DPP10: variants seen among roughly 807,000 people sequenced by gnomAD.
DPP10 encodes the protein inactive dipeptidyl peptidase 10.
DPP10 carries 33 observed loss-of-function variants against 120.9 expected under a neutral mutation model. The ratio of observed to expected loss-of-function variants is 0.27; its 90% CI spans 0.21 to 0.37. DPP10 has a LOEUF of 0.37. Ranked by LOEUF, DPP10 falls within the 10% of genes least tolerant of loss-of-function variation. The probability of loss-of-function intolerance (pLI) is 1.00; values close to 1 mark genes in which losing one functional copy is unlikely to be tolerated. For synonymous variants in DPP10, 337 were observed against 326.1 expected, an observed-to-expected ratio of 1.03 and a Z score of -0.36; for missense variants, 816 against 942.8, an observed-to-expected ratio of 0.87 and a Z score of 1.76.
intron 4 of DPP10, among the ~76,000 whole-genome samples, chr2:115,506,171 C>T (rs1171358955): frequency 3.9e-5 from 6 of 152,032 alleles, no homozygotes; most frequent in Non-Finnish European, 8.8e-5. Context: ...TAGAACTATG[C>T]GTTGCCAAAA....
chr2:115,268,753 C>A (rs2059564701), intron 1 of DPP10, among the ~76,000 whole-genome samples: 1 of 152,194 alleles, frequency 6.6e-6, no homozygotes, highest in Non-Finnish European at 1.5e-5. Flanking sequence ...TTTCCATCTT[C>A]TGGTAACTTC....
At chr2:115,345,571 AC>A (rs2063671939) in intron 3 of DPP10, among the ~76,000 whole-genome samples, 1 of 152,136 alleles carries the variant, frequency 6.6e-6, no homozygotes, top group Admixed American at 6.6e-5. Context: ...TGTTTTATTC[AC>A]CATGTTTTTG....
At chr2:115,292,056 CT>C (rs1310561815) in intron 1 of DPP10, among the ~76,000 whole-genome samples, 1 of 152,130 alleles carries the variant, frequency 6.6e-6, no homozygotes, top group Non-Finnish European at 1.5e-5. Context: ...AACAGCAGGT[CT>C]TATTCTAAAA....
At chr2:114,797,156 C>A (rs979250815) in intron 1 of DPP10, among the ~76,000 whole-genome samples, 6 of 152,294 alleles carry the variant, frequency 3.9e-5, no homozygotes, top group African/African-American at 1.4e-4. Context: ...TTTTAACTTT[C>A]AAGATTAATG....
intron 1 of DPP10, among the ~76,000 whole-genome samples, chr2:115,181,107 G>A (rs1448034622): frequency 7.3e-6 from 1 of 136,358 alleles, no homozygotes; most frequent in Admixed American, 7.6e-5. Context: ...CTTGCAAGGT[G>A]CATCTGTTCT....
At chr2:115,125,293 G>A (rs978343969) in intron 1 of DPP10, among the ~76,000 whole-genome samples, 1 of 152,034 alleles carries the variant, frequency 6.6e-6, no homozygotes, top group African/African-American at 2.4e-5. Context: ...AATATAACAT[G>A]ATGTATATTT....
intron 3 of DPP10, among the ~76,000 whole-genome samples, chr2:115,426,075 A>C (rs1181514387): frequency 6.7e-6 from 1 of 149,308 alleles, no homozygotes; most frequent in East Asian, 2.0e-4. Context: ...TGAGATTCTC[A>C]CCAGGTGCCA....
chr2:114,730,893 CTTTTTTTTTTCTT>C (rs1676844270), intron 1 of DPP10, among the ~76,000 whole-genome samples: 1 of 147,648 alleles, frequency 6.8e-6, no homozygotes, highest in East Asian at 2.0e-4. Flanking sequence ...CCTGGTCCAG[CTTTTTTTTTTCTT>C]TTTTTTTTTT....
chr2:115,499,938 A>G (rs1489781850), intron 4 of DPP10, among the ~76,000 whole-genome samples: 2 of 151,960 alleles, frequency 1.3e-5, no homozygotes, highest in Non-Finnish European at 2.9e-5. Context: ...AGCCTTATTT[A>G]TTATTAACTT....
Position 115,845,743 on chromosome 2 carries a change from T to C in DPP10, c.*3398T>C, listed in dbSNP as rs1690569790. ...AAATAAAATAAGAATAAATCAGTGG[T>C]TTATTTTCAGGTTCGAATAAACTCT... On this transcript the variant is annotated 3_prime_UTR_variant, in exon 26 of 26. Transcript: ENST00000410059. 6.6e-6 allele frequency: 1 copy of C among 152,188 alleles called. No individual in the cohort carries two copies. Among genetic ancestry groups the C allele is most frequent in the Admixed American group, 6.5e-5 (1 of 15,272 alleles). The allele number at this position is 152,188 out of a possible 1,614,324, so 9.4% of individuals were successfully genotyped here.
chr2:114,765,758 G>A (rs762904956), intron 1 of DPP10, among the ~76,000 whole-genome samples: 3 of 152,124 alleles, frequency 2.0e-5, no homozygotes, highest in Non-Finnish European at 4.4e-5. Context: ...TGCTGAGACT[G>A]GGAAGCTAAC....
chr2:114,641,096 C>T (rs1412284922), intron 1 of DPP10, among the ~76,000 whole-genome samples: 1 of 151,962 alleles, frequency 6.6e-6, no homozygotes, highest in African/African-American at 2.4e-5. Flanking sequence ...ATTCTCACAA[C>T]AATCCTATAA....
intron 1 of DPP10, among the ~76,000 whole-genome samples, chr2:114,897,216 G>A (rs994397479): frequency 2.0e-5 from 3 of 152,090 alleles, no homozygotes; most frequent in African/African-American, 7.2e-5. Flanking sequence ...TTGTGTCTCT[G>A]CCCAGCTTTG....
intron 1 of DPP10, among the ~76,000 whole-genome samples, chr2:114,652,136 C>T (rs1696635816): frequency 6.6e-6 from 1 of 151,942 alleles, no homozygotes; most frequent in Non-Finnish European, 1.5e-5. Flanking sequence ...TTTAGAATTT[C>T]AAACATAAGA....
intron 1 of DPP10, among the ~76,000 whole-genome samples, chr2:115,240,577 A>C (rs1298961907): frequency 6.6e-6 from 1 of 152,144 alleles, no homozygotes; most frequent in East Asian, 1.9e-4. Flanking sequence ...CCAATTCTGT[A>C]GGTTATCTGT....
chr2:115,323,664 G>A (rs1607914), intron 2 of DPP10, among the ~76,000 whole-genome samples: 1 of 152,022 alleles, frequency 6.6e-6, no homozygotes, highest in Non-Finnish European at 1.5e-5. Flanking sequence ...TTGATCCGTA[G>A]GCTGCAGAAT....
chr2:115,693,437 A>G (rs980837176), intron 7 of DPP10, among the ~76,000 whole-genome samples: 1 of 152,160 alleles, frequency 6.6e-6, no homozygotes, highest in Non-Finnish European at 1.5e-5. Flanking sequence ...CAAATTCCAG[A>G]ACACAGAAAC....
intron 1 of DPP10, among the ~76,000 whole-genome samples, chr2:114,467,139 T>C (rs1324214517): frequency 6.6e-6 from 1 of 152,180 alleles, no homozygotes; most frequent in Admixed American, 6.5e-5. Flanking sequence ...TTATTTTTAC[T>C]TCATAAAATA....
chr2:115,732,918 A>G (rs1226963131), intron 8 of DPP10, among the ~76,000 whole-genome samples: 1 of 152,162 alleles, frequency 6.6e-6, no homozygotes, highest in Non-Finnish European at 1.5e-5. Flanking sequence ...GGTATTTCCA[A>G]CTTAGTGTAG....
Sources: allele counts gnomAD v4.1 joint callset (sites outside exome capture counted in the v4.1 genomes callset), GRCh38; gene constraint gnomAD v4.1.1; transcripts MANE v1.5; gene names NCBI Gene and HGNC (gene_info 2026-07-23, HGNC 2026-07-21).